Variants in CDKAL1 observed in about 807,000 individuals in gnomAD.
CDKAL1 encodes CDKAL1 threonylcarbamoyladenosine tRNA methylthiotransferase.
Under a neutral mutation model 68.2 loss-of-function variants are expected in CDKAL1, and 32 were observed. The observed-to-expected ratio is 0.47, with a 90% CI of 0.35 to 0.63. The LOEUF (loss-of-function observed/expected upper bound fraction) is 0.63, where lower values mean the gene tolerates loss of function less well. CDKAL1 is among the 30% of genes least tolerant of loss of function. The pLI is 0.00. For synonymous variants in CDKAL1, 234 were observed against 244.3 expected (o/e 0.96, Z 0.39); for missense variants, 606 against 696.7 (o/e 0.87, Z 1.47).
At chr6:20,944,388 G>C (rs536816707) in intron 9 of CDKAL1, among the ~76,000 whole-genome samples, 1 of 152,046 alleles carries the variant, frequency 6.6e-6, no homozygotes, top group African/African-American at 2.4e-5. Flanking sequence ...TCACTCTGTC[G>C]CCCAGCTGGA....
chr6:21,175,247 T>C (rs1219301143), intron 13 of CDKAL1, among the ~76,000 whole-genome samples: 2 of 152,256 alleles, frequency 1.3e-5, no homozygotes, highest in Admixed American at 6.5e-5. Flanking sequence ...TACATTGTGG[T>C]ATTTTATTTT....
At chr6:20,750,447 G>T (rs1773866623) in intron 6 of CDKAL1, among the ~76,000 whole-genome samples, 2 of 152,176 alleles carry the variant, frequency 1.3e-5, no homozygotes, top group African/African-American at 4.8e-5. Context: ...ATGGTGATTT[G>T]TGGGGGAGAG....
At chr6:21,009,362 G>A (rs6914615) in intron 11 of CDKAL1, among the ~76,000 whole-genome samples, 3,155 of 152,146 alleles carry the variant, frequency 0.021, 107 homozygotes, top group African/African-American at 0.071. Context: ...CCATCTCCTG[G>A]ACATTTAATA....
At chr6:20,738,450 T>G (rs1311691901) in intron 5 of CDKAL1, among the ~76,000 whole-genome samples, 2 of 151,964 alleles carry the variant, frequency 1.3e-5, no homozygotes, top group African/African-American at 4.8e-5. Flanking sequence ...AATAGCCATA[T>G]ATGTATACTT....
chr6:20,944,073 C>G (rs1764116346), intron 9 of CDKAL1, among the ~76,000 whole-genome samples: 1 of 152,190 alleles, frequency 6.6e-6, no homozygotes, highest in Non-Finnish European at 1.5e-5. Context: ...TATAACCTTC[C>G]AAACTCCAAC....
intron 4 of CDKAL1, among the ~76,000 whole-genome samples, chr6:20,613,785 A>G (rs1282030475): frequency 6.6e-6 from 1 of 151,940 alleles, no homozygotes; most frequent in Non-Finnish European, 1.5e-5. Flanking sequence ...GTATTTATGT[A>G]TCATTTTGCA....
chr6:21,012,686 C>A lies in CDKAL1; in HGVS notation c.1055+12314C>A, dbSNP rs541329134. On this transcript the variant is annotated intron_variant, in intron 11 of 15. Transcript: ENST00000274695. Reference sequence around the variant, plus strand: ...AGCACTGAAGGACGGTCTTTAGTACCCCATCTGATGGCCCCTGGCTTTCCT... The same window carrying A: ...AGCACTGAAGGACGGTCTTTAGTACACCATCTGATGGCCCCTGGCTTTCCT... 3.9e-5 allele frequency among the ~76,000 whole-genome samples: 6 copies of A among 152,218 alleles called. No homozygotes were observed. In the South Asian group the frequency reaches 6.2e-4, roughly 16 times the overall value.
intron 10 of CDKAL1, among the ~76,000 whole-genome samples, chr6:20,995,810 A>C (rs1232575451): frequency 2.0e-5 from 3 of 152,182 alleles, no homozygotes; most frequent in Admixed American, 6.5e-5. Flanking sequence ...TGTCCTCTGA[A>C]GCTTTGAAGC....
At chr6:21,146,035 T>G (rs1466340) in intron 13 of CDKAL1, among the ~76,000 whole-genome samples, 67,587 of 152,028 alleles carry the variant, frequency 0.44, 15,630 homozygotes, top group African/African-American at 0.53. Context: ...TAAAATTAAT[T>G]CATGTGAAAA....
intron 9 of CDKAL1, among the ~76,000 whole-genome samples, chr6:20,889,428 A>G (rs1581771249): frequency 6.6e-6 from 1 of 151,950 alleles, no homozygotes; most frequent in South Asian, 2.1e-4. Flanking sequence ...TTGGTGTTTT[A>G]GACATGAAGT....
At chr6:20,960,541 C>T (rs1248053707) in intron 10 of CDKAL1, among the ~76,000 whole-genome samples, 1 of 152,176 alleles carries the variant, frequency 6.6e-6, no homozygotes, top group African/African-American at 2.4e-5. Context: ...ATGTAGAAAT[C>T]CAACATGACT....
intron 8 of CDKAL1, among the ~76,000 whole-genome samples, chr6:20,827,767 C>G (rs1189063355): frequency 6.6e-6 from 1 of 151,966 alleles, no homozygotes; most frequent in African/African-American, 2.4e-5. Flanking sequence ...TCCTACATGT[C>G]TTATATCTAG....
chr6:21,179,787 A>T (rs1777721218), intron 13 of CDKAL1, among the ~76,000 whole-genome samples: 1 of 152,208 alleles, frequency 6.6e-6, no homozygotes, highest in African/African-American at 2.4e-5. Context: ...TGATCTCAGC[A>T]CTTTGGTAGG....
intron 4 of CDKAL1, among the ~76,000 whole-genome samples, chr6:20,565,048 T>C (rs962182546): frequency 6.6e-6 from 1 of 152,158 alleles, no homozygotes; most frequent in Admixed American, 6.5e-5. Context: ...AACCTCCTGA[T>C]TGTTCATTTA....
At chr6:20,608,069 A>G (rs1441199559) in intron 4 of CDKAL1, among the ~76,000 whole-genome samples, 1 of 152,198 alleles carries the variant, frequency 6.6e-6, no homozygotes, top group Non-Finnish European at 1.5e-5. Context: ...TCCTGAAATA[A>G]ATTAACATAT....
chr6:20,980,244 T>C (rs113343268), intron 10 of CDKAL1, among the ~76,000 whole-genome samples: 8 of 152,040 alleles, frequency 5.3e-5, no homozygotes, highest in South Asian at 2.1e-4. Flanking sequence ...TATATAGATA[T>C]AGATTTTTTT....
chr6:20,908,767 A>C lies in CDKAL1; in HGVS notation c.743-46652A>C, dbSNP rs1476589245. ...TGCATTACATATTAAATCAAATTCC[A>C]TTGTCTGTCTTAAAGTGATTGCAAT... On this transcript the variant is annotated intron_variant, in intron 9 of 15. Coordinates refer to ENST00000274695, the MANE Select transcript of CDKAL1 (RefSeq NM_017774.3). Among the ~76,000 whole-genome samples the C allele has an allele frequency of 2.6e-5, 4 of 152,316 alleles. No individual in the cohort carries two copies. In the East Asian group the frequency reaches 7.7e-4, roughly 29 times the overall value.
intron 4 of CDKAL1, among the ~76,000 whole-genome samples, chr6:20,562,966 T>C (rs555209080): frequency 6.6e-6 from 1 of 152,334 alleles, no homozygotes; most frequent in Non-Finnish European, 1.5e-5. Context: ...GTAGTGCTTA[T>C]GGCTCATCCC....
intron 8 of CDKAL1, among the ~76,000 whole-genome samples, chr6:20,843,941 C>A (rs1778273669): frequency 6.6e-6 from 1 of 152,062 alleles, no homozygotes; most frequent in South Asian, 2.1e-4. Context: ...AGCTTCATGA[C>A]AAGGCCTGCT....
Sources: allele counts gnomAD v4.1 joint callset (sites outside exome capture counted in the v4.1 genomes callset), GRCh38; gene constraint gnomAD v4.1.1; transcripts MANE v1.5; gene names NCBI Gene and HGNC (gene_info 2026-07-23, HGNC 2026-07-21).